SLIT2: variants seen among roughly 807,000 people sequenced by gnomAD.
SLIT2 encodes slit homolog 2 protein.
SLIT2 carries 41 observed loss-of-function variants against 185.7 expected under a neutral mutation model. That is an observed-to-expected ratio of 0.22 (90% CI 0.17 to 0.29). The LOEUF (loss-of-function observed/expected upper bound fraction) is 0.29, where lower values mean the gene tolerates loss of function less well. Among genes scored for constraint, SLIT2 ranks in the 10% least tolerant of loss-of-function variants. The pLI is 1.00. For missense variants in SLIT2, 1,571 were observed against 1,909.0 expected (o/e 0.82, Z 3.30); for synonymous variants, 693 against 680.2 (o/e 1.02, Z -0.29).
In SLIT2 at chr4:20,511,047, A is replaced by C. The variant is rs1560487543; in HGVS notation, c.987-19A>C. The C allele has an allele frequency of 6.6e-7, 1 of 1,513,208 alleles. No individual in the cohort carries two copies. The highest frequency in any genetic ancestry group is 1.7e-5 in the Admixed American group (1 of 59,758). 93.7% of individuals were successfully genotyped at this position (1,513,208 alleles called of 1,614,324 possible). A position where few individuals can be genotyped will look rare whatever the true frequency, so the allele number is the denominator to read the frequency against. On this transcript the variant is annotated intron_variant, in intron 10 of 36. Coordinates refer to ENST00000504154, the MANE Select transcript of SLIT2 (RefSeq NM_004787.4). ...CTGACATTTGATTGAATGTAACCTA[A>C]CCCTATTTCTAATCTTAGTGACCTG...
chr4:20,556,180 T>G (rs1015337836), intron 26 of SLIT2, among the ~76,000 whole-genome samples: 9 of 152,058 alleles, frequency 5.9e-5, no homozygotes, highest in Admixed American at 1.3e-4. Flanking sequence ...AGATCTTTAT[T>G]GGGACAGTGT....
chr4:20,325,486 T>A (rs1719500378), intron 4 of SLIT2, among the ~76,000 whole-genome samples: 1 of 150,812 alleles, frequency 6.6e-6, no homozygotes, highest in Non-Finnish European at 1.5e-5. Context: ...CTAGGCTTAA[T>A]AAATGCCCTG....
chr4:20,606,196 A>G (rs1004657066), intron 33 of SLIT2, among the ~76,000 whole-genome samples: 2 of 152,202 alleles, frequency 1.3e-5, no homozygotes, highest in Non-Finnish European at 2.9e-5. Flanking sequence ...GTAAAATACT[A>G]TCTTAAAAAC....
At chr4:20,448,185 T>G (rs186414257) in intron 4 of SLIT2, among the ~76,000 whole-genome samples, 2 of 152,210 alleles carry the variant, frequency 1.3e-5, no homozygotes, top group East Asian at 3.8e-4. Context: ...CATACTGATA[T>G]GCTAATAATG....
chr4:20,541,660 C>A (rs1442520564), intron 20 of SLIT2, 41 bp downstream of exon 20: 2 of 1,510,568 alleles, frequency 1.3e-6, no homozygotes, highest in Middle Eastern at 1.7e-4. Context: ...CAGGCATTCA[C>A]ATGCCTGTTC....
intron 6 of SLIT2, among the ~76,000 whole-genome samples, chr4:20,481,315 A>C (rs1716680098): frequency 6.6e-6 from 1 of 152,152 alleles, no homozygotes; most frequent in Admixed American, 6.6e-5. Context: ...CAACACGCAG[A>C]CTTGAATTAT....
rs756623972 is a variant in SLIT2 at position 20,542,601 on chromosome 4, G to A, written c.2251G>A (p.Gly751Ser). The change falls in exon 21 of 37, where the codon GGT becomes AGT. Residue 751 changes from glycine (G) to serine (S), a missense_variant. Gly to Ser is a moderately conservative substitution (Grantham distance 56). Transcript: ENST00000504154. ...CAAGGGTTTGAAGGTCTTGCCGAAAGGTATTCCAAGAGATGTCACAGAGTT... is the reference window on the plus strand; with the variant it reads ...CAAGGGTTTGAAGGTCTTGCCGAAAAGTATTCCAAGAGATGTCACAGAGTT... The part of the protein sequence containing the change: ...SNKGLKVLPK[G>S]IPRDVTELYL... The A allele has an allele frequency of 1.9e-6, 3 of 1,613,764 alleles. No individual in the cohort carries two copies. Among genetic ancestry groups the A allele is most frequent in the Non-Finnish European group, 2.5e-6 (3 of 1,179,808 alleles).
At chr4:20,495,158 T>A (rs796913744) in intron 9 of SLIT2, among the ~76,000 whole-genome samples, 32 of 152,254 alleles carry the variant, frequency 2.1e-4, no homozygotes, top group African/African-American at 7.2e-4. Flanking sequence ...AGAAAAGAAG[T>A]ATTGATTAAT....
intron 11 of SLIT2, among the ~76,000 whole-genome samples, chr4:20,516,044 T>C (rs1166420831): frequency 6.6e-6 from 1 of 152,236 alleles, no homozygotes; most frequent in African/African-American, 2.4e-5. Flanking sequence ...CTTGAACTCC[T>C]GACCTGGTGA....
At chr4:20,567,437 G>A (rs1311802373) in intron 27 of SLIT2, 51 bp downstream of exon 27, 2 of 1,611,926 alleles carry the variant, frequency 1.2e-6, no homozygotes, top group Non-Finnish European at 1.7e-6. Context: ...ACTTTTCTTG[G>A]TGTGCCTTTA....
intron 4 of SLIT2, among the ~76,000 whole-genome samples, chr4:20,462,101 T>A (rs1451452969): frequency 1.3e-5 from 2 of 152,134 alleles, no homozygotes; most frequent in African/African-American, 4.8e-5. Flanking sequence ...GACTTGGCTC[T>A]GGGAGGCCTG....
intron 6 of SLIT2, among the ~76,000 whole-genome samples, chr4:20,482,030 T>C (rs1220902157): frequency 1.3e-5 from 2 of 151,974 alleles, no homozygotes; most frequent in Non-Finnish European, 2.9e-5. Flanking sequence ...GACCACTATT[T>C]AAATTGTATA....
chr4:20,567,128 A>G (rs1224149530), intron 26 of SLIT2, 134 bp from the exon 27 acceptor site: 13 of 810,090 alleles, frequency 1.6e-5, no homozygotes, highest in South Asian at 1.2e-4. Context: ...CTGGCTTGTC[A>G]TGGATGAGAG....
chr4:20,380,645 T>C (rs182690905), intron 4 of SLIT2, among the ~76,000 whole-genome samples: 5 of 151,626 alleles, frequency 3.3e-5, no homozygotes, highest in Non-Finnish European at 7.4e-5. Context: ...ATACACTGTA[T>C]GTGAGCAGTA....
intron 26 of SLIT2, among the ~76,000 whole-genome samples, chr4:20,563,993 A>G (rs1455461189): frequency 2.0e-5 from 3 of 151,846 alleles, no homozygotes; most frequent in Non-Finnish European, 4.4e-5. Context: ...GCTACATATT[A>G]TGGACATCTT....
chr4:20,472,294 A>ATATATATCTATATATC (rs377119024), intron 5 of SLIT2, among the ~76,000 whole-genome samples: 2 of 37,240 alleles, frequency 5.4e-5, no homozygotes, highest in African/African-American at 1.6e-4. Flanking sequence ...ATAGATATAT[A>ATATATATCTATATATC]GATATATAGA....
intron 26 of SLIT2, among the ~76,000 whole-genome samples, chr4:20,565,387 G>T (rs1314497420): frequency 1.3e-5 from 2 of 151,960 alleles, no homozygotes; most frequent in African/African-American, 4.8e-5. Context: ...TGCTAGCAAT[G>T]AGCTATTTTC....
intron 4 of SLIT2, among the ~76,000 whole-genome samples, chr4:20,299,099 A>G (rs1387727965): frequency 6.6e-6 from 1 of 152,144 alleles, no homozygotes; most frequent in Non-Finnish European, 1.5e-5. Context: ...ACTTTTTACA[A>G]TATGTTTTCC....
intron 4 of SLIT2, among the ~76,000 whole-genome samples, chr4:20,410,243 C>CTTTTTTTTTTTTTTTTTTT (rs1160985126): frequency 5.8e-5 from 4 of 69,054 alleles, no homozygotes; most frequent in Admixed American, 3.7e-4. Flanking sequence ...TCTTTCTTTT[C>CTTTTTTTTTTTTTTTTTTT]TTTTTTTTTT....
Sources: gnomAD v4.1 joint callset for allele counts (sites outside exome capture counted in the v4.1 genomes callset) on GRCh38, gnomAD v4.1.1 for gene constraint, MANE v1.5 for transcripts, NCBI Gene and HGNC (gene_info 2026-07-23, HGNC 2026-07-21) for gene names.